The following DNAH11 variants were observed in gnomAD, a reference collection of about 807,000 sequenced individuals.
DNAH11 encodes the protein axonemal beta dynein heavy chain 11.
A neutral mutation model predicts 526.0 loss-of-function variants in DNAH11; 442 were observed. The ratio of observed to expected loss-of-function variants is 0.84; its 90% CI spans 0.78 to 0.91. The LOEUF (loss-of-function observed/expected upper bound fraction) is 0.91, where lower values mean the gene tolerates loss of function less well. DNAH11 is among the 40% of genes least tolerant of loss of function. The probability of loss-of-function intolerance (pLI) is 0.00; values close to 1 mark genes in which losing one functional copy is unlikely to be tolerated. For synonymous variants in DNAH11, 2,461 were observed against 1,935.9 expected (o/e 1.27, Z -7.12); for missense variants, 6,989 against 5,448.7 (o/e 1.28, Z -8.90).
chr7:21,619,007 T>C (rs989069554), intron 23 of DNAH11, 93 bp from the exon 24 acceptor site: 100 of 1,502,900 alleles, frequency 6.7e-5, no homozygotes, highest in African/African-American at 1.1e-4. Flanking sequence ...GACTTGAGTA[T>C]ATTTTAGTTA....
At chr7:21,713,437 C>T (rs1784535693) in intron 42 of DNAH11, among the ~76,000 whole-genome samples, 1 of 152,122 alleles carries the variant, frequency 6.6e-6, no homozygotes, top group Admixed American at 6.5e-5. Context: ...ATGGCTCTGT[C>T]CCTCTGTGAC....
intron 61 of DNAH11, among the ~76,000 whole-genome samples, chr7:21,796,648 C>G (rs990187019): frequency 1.3e-5 from 2 of 152,108 alleles, no homozygotes; most frequent in Non-Finnish European, 2.9e-5. Context: ...AGTAAAGAGG[C>G]CAGATACCAC....
At position 21,550,006 on chromosome 7, in the gene DNAH11, T is replaced by G. The variant is rs564803636; in HGVS notation, c.495+4857T>G. On this transcript the variant is annotated intron_variant, in intron 2 of 81. Coordinates refer to ENST00000409508, the MANE Select transcript of DNAH11 (RefSeq NM_001277115.2). ...CCCGTTTCCATTTTGACCTGCTCTT[T>G]GTATAGTAGCCCATCCCAGCCATAT... Among the ~76,000 whole-genome samples the G allele has an allele frequency of 1.9e-4, 29 of 152,344 alleles. No homozygotes were observed. The South Asian group carries it at 5.4e-3, about 28-fold the overall frequency.
chr7:21,788,840 T>C (rs1008212174), intron 60 of DNAH11, among the ~76,000 whole-genome samples: 4 of 152,252 alleles, frequency 2.6e-5, no homozygotes, highest in African/African-American at 4.8e-5. Context: ...TTATGACAAA[T>C]TGATTTTAAT....
chr7:21,547,453 G>C (rs535193524), intron 2 of DNAH11, among the ~76,000 whole-genome samples: 1 of 152,298 alleles, frequency 6.6e-6, no homozygotes, highest in East Asian at 1.9e-4. Context: ...AGTTACAGCA[G>C]GTAATTTACT....
chr7:21,854,806 G>C (rs1044258692), intron 68 of DNAH11, among the ~76,000 whole-genome samples: 1 of 152,150 alleles, frequency 6.6e-6, no homozygotes, highest in Admixed American at 6.5e-5. Context: ...GCCTCCCAGA[G>C]TGCTGAGAGT....
chr7:21,854,138 A>G (rs1436711191), intron 67 of DNAH11, among the ~76,000 whole-genome samples, 177 bp from the exon 68 acceptor site: 2 of 152,242 alleles, frequency 1.3e-5, no homozygotes, highest in Non-Finnish European at 2.9e-5. Context: ...TATTAAAAAA[A>G]TTATTTTAAA....
At chr7:21,661,963 C>A (rs1043149640) in intron 30 of DNAH11, among the ~76,000 whole-genome samples, 14 of 152,010 alleles carry the variant, frequency 9.2e-5, no homozygotes, top group African/African-American at 3.4e-4. Flanking sequence ...GGATTACAGG[C>A]ACCCTCCATT....
chr7:21,701,178 G>A (rs1365711425), intron 36 of DNAH11, among the ~76,000 whole-genome samples: 1 of 152,004 alleles, frequency 6.6e-6, no homozygotes, highest in East Asian at 1.9e-4. Flanking sequence ...CTCCATCAGT[G>A]GCTTTCAAAT....
rs1264401707 is a variant in DNAH11, at chr7:21,564,344, C to T, written c.1141C>T (p.Pro381Ser). Reference protein sequence around the residue: ...IWSHSKFYNTPARVIVLLQEF... With the variant: ...IWSHSKFYNTSARVIVLLQEF... Reference sequence around the variant, plus strand: ...GAGTCATTCCAAGTTTTATAACACCCCAGCTCGGGTTATAGTTTTATTGCA... The same window carrying T: ...GAGTCATTCCAAGTTTTATAACACCTCAGCTCGGGTTATAGTTTTATTGCA... The change falls in exon 6 of 82, where the codon CCA (proline) becomes TCA (serine). Residue 381 changes from proline to serine, a missense_variant. Coordinates refer to ENST00000409508, the MANE Select transcript of DNAH11 (RefSeq NM_001277115.2). The T allele has an allele frequency of 3.1e-6, 5 of 1,613,348 alleles. No homozygotes were observed. The highest frequency in any genetic ancestry group is 3.4e-6 in the Non-Finnish European group (4 of 1,179,692).
At chr7:21,696,658 G>A (rs189044553) in intron 35 of DNAH11, among the ~76,000 whole-genome samples, 1 of 152,200 alleles carries the variant, frequency 6.6e-6, no homozygotes, top group African/African-American at 2.4e-5. Context: ...TTTAATGGGT[G>A]ACGAAAGCAT....
intron 61 of DNAH11, among the ~76,000 whole-genome samples, chr7:21,794,585 G>C (rs964427036): frequency 4.6e-5 from 7 of 152,174 alleles, no homozygotes; most frequent in Admixed American, 1.3e-4. Flanking sequence ...AAAGCTAGCT[G>C]GGGGTTTGTG....
chr7:21,757,941 T>C (rs993057101), intron 54 of DNAH11, among the ~76,000 whole-genome samples: 2 of 152,174 alleles, frequency 1.3e-5, no homozygotes, highest in East Asian at 1.9e-4. Flanking sequence ...CCTTGCAAGA[T>C]TGTAAAGTCG....
rs755959309 is a variant in DNAH11, at chr7:21,738,725, A to T, written c.7670A>T (p.Lys2557Ile). The stretch of plus-strand genomic sequence containing the variant: ...GAAATTCTTGAGAAACCCCTAGAGA[A>T]AAAAGCTGGTCATAACTATGGTCCT... Reference protein sequence around the residue: ...LQKILEKPLEKKAGHNYGPGG... With the variant: ...LQKILEKPLEIKAGHNYGPGG... Residue 2557 changes from lysine to isoleucine, a missense_variant, in exon 47 of 82, where the codon AAA (lysine) becomes ATA (isoleucine). Transcript: ENST00000409508. 1 of 1,581,066 alleles carries T rather than the reference A, an allele frequency of 6.3e-7. No homozygotes were observed. Among genetic ancestry groups the T allele is most frequent in the East Asian group, 2.3e-5 (1 of 43,872 alleles).
chr7:21,842,050 T>C (rs186427178), intron 65 of DNAH11, among the ~76,000 whole-genome samples: 85 of 152,334 alleles, frequency 5.6e-4, no homozygotes, highest in African/African-American at 2.0e-3. Flanking sequence ...ATTTCAGTGT[T>C]TAATATTAGA....
intron 24 of DNAH11, 38 bp from the exon 25 acceptor site, chr7:21,619,918 T>G: frequency 2.0e-6 from 3 of 1,531,390 alleles, no homozygotes; most frequent in Non-Finnish European, 2.6e-6. Context: ...GATTATCAAT[T>G]AAATTTTGTG....
intron 25 of DNAH11, among the ~76,000 whole-genome samples, chr7:21,632,463 T>C (rs1786661395): frequency 6.6e-6 from 1 of 152,204 alleles, no homozygotes; most frequent in African/African-American, 2.4e-5. Context: ...CTTATAAAAC[T>C]GAATTCCTGT....
intron 25 of DNAH11, 70 bp downstream of exon 25, chr7:21,620,148 G>A: frequency 8.0e-7 from 1 of 1,243,682 alleles, no homozygotes; most frequent in Non-Finnish European, 1.1e-6. Flanking sequence ...GTATATATAG[G>A]GTACCATGTG....
At chr7:21,705,777 G>A (rs1411944032) in intron 39 of DNAH11, among the ~76,000 whole-genome samples, 1 of 152,158 alleles carries the variant, frequency 6.6e-6, no homozygotes, top group Non-Finnish European at 1.5e-5. Flanking sequence ...GGAAAAGCAA[G>A]CCAACATGAA....
Sources: allele counts gnomAD v4.1 joint callset (sites outside exome capture counted in the v4.1 genomes callset), GRCh38; gene constraint gnomAD v4.1.1; transcripts MANE v1.5; gene names NCBI Gene and HGNC (gene_info 2026-07-23, HGNC 2026-07-21).